The following BRINP3 variants were observed in gnomAD, a reference collection of about 807,000 sequenced individuals.
BRINP3 encodes BMP/retinoic acid-inducible neural-specific protein 3.
A neutral mutation model predicts 71.0 loss-of-function variants in BRINP3; 19 were observed. The observed-to-expected ratio is 0.27, with a 90% confidence interval of 0.19 to 0.39. BRINP3 has a LOEUF of 0.39. Among genes scored for constraint, BRINP3 ranks in the 10% least tolerant of loss-of-function variants. BRINP3 has a pLI of 1.00. For synonymous variants in BRINP3, 380 were observed against 337.7 expected (o/e 1.13, Z -1.37); for missense variants, 959 against 940.8 (o/e 1.02, Z -0.25).
intron 7 of BRINP3, among the ~76,000 whole-genome samples, chr1:190,104,892 T>A (rs142736807): frequency 6.6e-6 from 1 of 152,106 alleles, no homozygotes; most frequent in South Asian, 2.1e-4. Context: ...GCAATGTGGA[T>A]ACAAACTTTA....
chr1:190,209,661 A>C, intron 6 of BRINP3, among the ~76,000 whole-genome samples: 1 of 152,152 alleles, frequency 6.6e-6, no homozygotes, highest in Admixed American at 6.6e-5. Context: ...TAAATCTTTA[A>C]ATATCTGCTT....
At chr1:190,462,413 AC>A (rs1464009585) in intron 1 of BRINP3, among the ~76,000 whole-genome samples, 7 of 152,170 alleles carry the variant, frequency 4.6e-5, no homozygotes, top group Non-Finnish European at 8.8e-5. Flanking sequence ...ATCCTAATCA[AC>A]AAACAGCCAA....
chr1:190,158,840 C>T (rs888118763), intron 7 of BRINP3, among the ~76,000 whole-genome samples: 9 of 150,190 alleles, frequency 6.0e-5, no homozygotes, highest in Non-Finnish European at 8.9e-5. Context: ...GGTTGAAAAA[C>T]TTTTAGCTAA....
chr1:190,129,965 A>G (rs1182347545), intron 7 of BRINP3, among the ~76,000 whole-genome samples: 1 of 152,000 alleles, frequency 6.6e-6, no homozygotes, highest in Non-Finnish European at 1.5e-5. Flanking sequence ...CTTTCTGAAT[A>G]CATATCTCTA....
intron 4 of BRINP3, among the ~76,000 whole-genome samples, chr1:190,254,882 C>G (rs546419330): frequency 1.3e-5 from 2 of 152,204 alleles, no homozygotes; most frequent in Admixed American, 6.5e-5. Context: ...CAGTTTTTGC[C>G]CATTCAGTAT....
chr1:190,448,896 T>C (rs533655808), intron 2 of BRINP3, among the ~76,000 whole-genome samples: 20 of 152,112 alleles, frequency 1.3e-4, no homozygotes, highest in African/African-American at 4.8e-4. Flanking sequence ...TGAAGCTTTT[T>C]ACATTCACAA....
chr1:190,440,552 G>T (rs1247019270), intron 2 of BRINP3, among the ~76,000 whole-genome samples: 1 of 151,926 alleles, frequency 6.6e-6, no homozygotes, highest in African/African-American at 2.4e-5. Context: ...GTCATAGTGA[G>T]AAATAAACTT....
chr1:190,357,290 G>A (rs1190549482), intron 2 of BRINP3, among the ~76,000 whole-genome samples: 2 of 151,940 alleles, frequency 1.3e-5, no homozygotes, highest in African/African-American at 4.8e-5. Flanking sequence ...TAATTTGACT[G>A]ATGTTTGTGC....
chr1:190,281,699 G>T lies in BRINP3; in HGVS notation c.288C>A (p.Phe96Leu). ...GGGCAAGAGGCAGAGGAGAGCCAAG[G>T]AAATTTCTTCTCTCAACTGCAAGGT... ...VNNLAVERRN[F>L]LGSPLPLAPE... is the part of the protein sequence containing the mutation. Residue 96 changes from phenylalanine (F) to leucine (L), a missense_variant, in exon 3 of 8, where the codon TTC becomes TTA. Transcript: ENST00000367462. The T allele has an allele frequency of 6.2e-7, 1 of 1,612,696 alleles. No homozygotes were observed. Among genetic ancestry groups the T allele is most frequent in the African/African-American group, 1.3e-5 (1 of 74,880 alleles).
intron 5 of BRINP3, among the ~76,000 whole-genome samples, chr1:190,230,543 C>T (rs1657871416): frequency 6.6e-6 from 1 of 151,792 alleles, no homozygotes; most frequent in African/African-American, 2.4e-5. Flanking sequence ...AAAAATATTA[C>T]TCTGCTTCTA....
intron 2 of BRINP3, among the ~76,000 whole-genome samples, chr1:190,419,359 A>G (rs1380058474): frequency 6.6e-6 from 1 of 152,216 alleles, no homozygotes; most frequent in East Asian, 1.9e-4. Context: ...TATGGCTATA[A>G]AACATAAAAT....
At chr1:190,192,419 G>A (rs1654113907) in intron 6 of BRINP3, among the ~76,000 whole-genome samples, 1 of 151,816 alleles carries the variant, frequency 6.6e-6, no homozygotes. Context: ...CATTAAACTG[G>A]TGTTCTTTAA....
chr1:190,302,257 A>G (rs966643713), intron 2 of BRINP3, among the ~76,000 whole-genome samples: 4 of 147,526 alleles, frequency 2.7e-5, no homozygotes, highest in African/African-American at 4.9e-5. Flanking sequence ...ATTTATATAT[A>G]TATTTTATAT....
chr1:190,206,041 C>T (rs767237351), intron 6 of BRINP3, among the ~76,000 whole-genome samples: 2 of 151,968 alleles, frequency 1.3e-5, no homozygotes, highest in Non-Finnish European at 2.9e-5. Flanking sequence ...TACTATATTG[C>T]TGCTTAGGTG....
At chr1:190,099,457 C>G (rs1202601887) in intron 7 of BRINP3, among the ~76,000 whole-genome samples, 3 of 152,016 alleles carry the variant, frequency 2.0e-5, no homozygotes, top group Non-Finnish European at 4.4e-5. Context: ...CATTAGTGCA[C>G]ATGGAAGACC....
At chr1:190,125,981 C>A (rs999411567) in intron 7 of BRINP3, among the ~76,000 whole-genome samples, 24 of 130,044 alleles carry the variant, frequency 1.8e-4, no homozygotes, top group African/African-American at 6.9e-4. Context: ...TGAATACCAG[C>A]TATAAAAGGC....
chr1:190,466,495 A>T (rs532593687), intron 1 of BRINP3, among the ~76,000 whole-genome samples: 1 of 151,976 alleles, frequency 6.6e-6, no homozygotes, highest in Admixed American at 6.6e-5. Flanking sequence ...TTACTAAGAT[A>T]AAAAGAGGTA....
intron 2 of BRINP3, among the ~76,000 whole-genome samples, chr1:190,358,396 C>T (rs528557569): frequency 6.6e-6 from 1 of 152,118 alleles, no homozygotes; most frequent in Non-Finnish European, 1.5e-5. Context: ...ATGCAGCCAA[C>T]AGACACATGA....
intron 1 of BRINP3, among the ~76,000 whole-genome samples, chr1:190,476,953 C>T (rs1374681058): frequency 6.6e-6 from 1 of 152,198 alleles, no homozygotes; most frequent in Non-Finnish European, 1.5e-5. Flanking sequence ...TAAAAATACA[C>T]TTTGCAACAA....
Sources: gnomAD v4.1 joint callset for allele counts (sites outside exome capture counted in the v4.1 genomes callset) on GRCh38, gnomAD v4.1.1 for gene constraint, MANE v1.5 for transcripts, NCBI Gene and HGNC (gene_info 2026-07-23, HGNC 2026-07-21) for gene names.